Variants in GPC5 observed in about 807,000 individuals in gnomAD.
GPC5 encodes the protein glypican 5.
GPC5 carries 47 observed loss-of-function variants against 53.9 expected under a neutral mutation model. The observed-to-expected ratio is 0.87, with a 90% CI of 0.69 to 1.11. The LOEUF is 1.11. GPC5 is among the 50% of genes most tolerant of loss of function. GPC5 has a pLI of 0.00. For missense variants in GPC5, 748 were observed against 713.1 expected, an observed-to-expected ratio of 1.05 and a Z score of -0.56; for synonymous variants, 286 against 263.3, an observed-to-expected ratio of 1.09 and a Z score of -0.84.
At chr13:92,024,938 T>C (rs1376080346) in intron 6 of GPC5, among the ~76,000 whole-genome samples, 1 of 152,166 alleles carries the variant, frequency 6.6e-6, no homozygotes, top group Non-Finnish European at 1.5e-5. Context: ...TTTATTAAAT[T>C]TGTGAGTAGA....
intron 2 of GPC5, among the ~76,000 whole-genome samples, chr13:91,540,122 A>G (rs529719784): frequency 3.3e-5 from 5 of 152,354 alleles, no homozygotes; most frequent in African/African-American, 1.2e-4. Flanking sequence ...ACTAGGACTA[A>G]GCAAAAGCAA....
At chr13:92,203,177 C>A (rs193237589) in intron 7 of GPC5, among the ~76,000 whole-genome samples, 195 of 152,044 alleles carry the variant, frequency 1.3e-3, no homozygotes, top group African/African-American at 4.6e-3. Flanking sequence ...GCTATAAAGA[C>A]ACATGCACAC....
At chr13:91,895,792 G>C (rs1279205554) in intron 5 of GPC5, among the ~76,000 whole-genome samples, 1 of 152,076 alleles carries the variant, frequency 6.6e-6, no homozygotes, top group Non-Finnish European at 1.5e-5. Context: ...TGAACGGAGT[G>C]ATTTCAATCT....
chr13:92,666,146 A>G (rs1295838288), intron 7 of GPC5, among the ~76,000 whole-genome samples: 1 of 152,222 alleles, frequency 6.6e-6, no homozygotes, highest in Non-Finnish European at 1.5e-5. Context: ...CTTCTAGGAA[A>G]TTACAAAGAA....
chr13:92,338,184 T>C (rs1162193665), intron 7 of GPC5, among the ~76,000 whole-genome samples: 3 of 151,984 alleles, frequency 2.0e-5, no homozygotes, highest in Non-Finnish European at 2.9e-5. Flanking sequence ...GATAAACATA[T>C]AAAATATGCT....
chr13:92,537,545 T>C (rs1223379789), intron 7 of GPC5, among the ~76,000 whole-genome samples: 1 of 152,150 alleles, frequency 6.6e-6, no homozygotes, highest in Non-Finnish European at 1.5e-5. Flanking sequence ...TTCATGTCAC[T>C]AGCTTCTTTC....
intron 5 of GPC5, among the ~76,000 whole-genome samples, chr13:91,783,254 CAATA>C (rs200636590): frequency 1.1e-4 from 16 of 150,626 alleles, no homozygotes; most frequent in African/African-American, 3.2e-4. Context: ...AACTCCATCT[CAATA>C]AATAAATAAA....
intron 7 of GPC5, among the ~76,000 whole-genome samples, chr13:92,727,232 T>C (rs535367568): frequency 1.3e-5 from 2 of 151,564 alleles, no homozygotes; most frequent in South Asian, 2.1e-4. Flanking sequence ...CAGACACTTT[T>C]TCCATGTATC....
At chr13:92,631,634 A>G (rs1432493996) in intron 7 of GPC5, among the ~76,000 whole-genome samples, 4 of 152,172 alleles carry the variant, frequency 2.6e-5, no homozygotes, top group African/African-American at 9.6e-5. Flanking sequence ...CAAAAACTGC[A>G]ACTGCTTTTG....
chr13:91,656,438 A>G (rs542441807), intron 2 of GPC5, among the ~76,000 whole-genome samples: 1 of 152,328 alleles, frequency 6.6e-6, no homozygotes, highest in African/African-American at 2.4e-5. Context: ...AAAATGGACC[A>G]TAGCCTAATA....
chr13:92,405,970 AGATT>A (rs1458833386), intron 7 of GPC5, among the ~76,000 whole-genome samples: 1 of 152,208 alleles, frequency 6.6e-6, no homozygotes, highest in Non-Finnish European at 1.5e-5. Context: ...CACACAAAAT[AGATT>A]GATAGAGAAT....
intron 2 of GPC5, among the ~76,000 whole-genome samples, chr13:91,601,414 A>G (rs1320552690): frequency 1.3e-5 from 2 of 152,184 alleles, no homozygotes; most frequent in Non-Finnish European, 2.9e-5. Context: ...AGAAGCTAAG[A>G]GGTCGTGAAT....
At chr13:91,496,540 C>T (rs964046612) in intron 2 of GPC5, among the ~76,000 whole-genome samples, 17 of 152,236 alleles carry the variant, frequency 1.1e-4, no homozygotes, top group East Asian at 3.9e-4. Flanking sequence ...AGACAAACTT[C>T]GCATTTCCTC....
intron 7 of GPC5, among the ~76,000 whole-genome samples, chr13:92,222,913 C>T (rs2042459910): frequency 6.6e-6 from 1 of 152,028 alleles, no homozygotes. Flanking sequence ...TCAGTATGTA[C>T]CAGCTATTGG....
chr13:92,195,960 A>G (rs1023857005), intron 7 of GPC5, among the ~76,000 whole-genome samples: 3 of 152,156 alleles, frequency 2.0e-5, no homozygotes, highest in African/African-American at 4.8e-5. Flanking sequence ...TAGCACTTTT[A>G]ACAAGGAGGC....
intron 1 of GPC5, among the ~76,000 whole-genome samples, chr13:91,413,665 C>A (rs150080361): frequency 6.6e-6 from 1 of 152,212 alleles, no homozygotes; most frequent in Non-Finnish European, 1.5e-5. Flanking sequence ...ACTTTCCAGG[C>A]TCCTGGGATT....
chr13:91,829,433 G>T (rs917584197), intron 5 of GPC5, among the ~76,000 whole-genome samples: 2 of 152,070 alleles, frequency 1.3e-5, no homozygotes, highest in African/African-American at 4.8e-5. Context: ...GACATAATGA[G>T]AATGATTTAT....
chr13:92,128,516 T>A (rs779612983), intron 6 of GPC5, among the ~76,000 whole-genome samples: 4 of 152,236 alleles, frequency 2.6e-5, no homozygotes, highest in Non-Finnish European at 5.9e-5. Flanking sequence ...AGTTTCTCAA[T>A]AACATATCTT....
chr13:92,529,226 T>C (rs897991604), intron 7 of GPC5, among the ~76,000 whole-genome samples: 4 of 152,152 alleles, frequency 2.6e-5, no homozygotes, highest in Non-Finnish European at 5.9e-5. Flanking sequence ...TTTAAAATTC[T>C]CAGTGCAAAG....
Sources: allele counts gnomAD v4.1 joint callset (sites outside exome capture counted in the v4.1 genomes callset), GRCh38; gene constraint gnomAD v4.1.1; transcripts MANE v1.5; gene names NCBI Gene and HGNC (gene_info 2026-07-23, HGNC 2026-07-21).